Variants in SGSM3 observed in about 807,000 individuals in gnomAD.
The protein encoded by SGSM3 is small G protein signaling modulator 3.
Under a neutral mutation model 100.5 loss-of-function variants are expected in SGSM3, and 96 were observed. The ratio of observed to expected loss-of-function variants is 0.96; its 90% CI spans 0.81 to 1.13. The LOEUF is 1.13. Ranked by LOEUF, SGSM3 falls within the 50% of genes most tolerant of loss-of-function variation. The pLI is 0.00. For missense variants in SGSM3, 1,001 were observed against 1,015.8 expected, an observed-to-expected ratio of 0.99 and a Z score of 0.20; for synonymous variants, 483 against 422.8, an observed-to-expected ratio of 1.14 and a Z score of -1.75.
chr22:40,386,431 T>C (rs1333157190), intron 1 of SGSM3, among the ~76,000 whole-genome samples: 1 of 152,126 alleles, frequency 6.6e-6, no homozygotes, highest in Non-Finnish European at 1.5e-5. Context: ...CTGAATGTAA[T>C]CCAATGGGCC....
intron 1 of SGSM3, chr22:40,376,544 C>T (rs568963567): frequency 1.3e-5 from 2 of 152,252 alleles, no homozygotes; most frequent in African/African-American, 2.4e-5. Context: ...TAGTGCTACT[C>T]ATAGTAATAG....
At chr22:40,385,412 C>G (rs566721419) in intron 1 of SGSM3, among the ~76,000 whole-genome samples, 1 of 151,946 alleles carries the variant, frequency 6.6e-6, no homozygotes, top group South Asian at 2.1e-4. Context: ...GCAGTGGACA[C>G]GAAGCCATTG....
intron 1 of SGSM3, among the ~76,000 whole-genome samples, chr22:40,386,562 C>CTTT (rs60319316): frequency 0.12 from 8,357 of 68,282 alleles, 1,072 homozygotes; most frequent in Admixed American, 0.24. Flanking sequence ...AATTTTCTTA[C>CTTT]TTTTTTTTTT....
chr22:40,405,583 AG>A, intron 7 of SGSM3, 65 bp from the exon 8 acceptor site: 1 of 1,449,910 alleles, frequency 6.9e-7, no homozygotes, highest in Admixed American at 1.9e-5. Context: ...TCCCTAGGGT[AG>A]GGGCACCTTT....
intron 20 of SGSM3, 26 bp from the exon 21 acceptor site, chr22:40,409,439 C>T (rs1437556582): frequency 6.4e-7 from 1 of 1,564,530 alleles, no homozygotes. Flanking sequence ...GTGACAAGAG[C>T]CTTACCACCC....
intron 1 of SGSM3, among the ~76,000 whole-genome samples, chr22:40,392,640 A>G (rs988005811): frequency 6.6e-6 from 1 of 152,188 alleles, no homozygotes; most frequent in African/African-American, 2.4e-5. Context: ...TTCTTACTCT[A>G]ATGTTCTAAT....
chr22:40,400,433 A>T (rs1457680208), intron 1 of SGSM3, among the ~76,000 whole-genome samples: 6 of 152,118 alleles, frequency 3.9e-5, no homozygotes, highest in Admixed American at 3.9e-4. Flanking sequence ...TCACGAGGTC[A>T]GGAGTTCGAG....
Position 40,410,080 on chromosome 22 carries a change from A to AT in SGSM3, c.*322dup. The AT allele has an allele frequency of 8.1e-7, 1 of 1,232,670 alleles. No homozygotes were observed. The highest frequency in any genetic ancestry group is 1.0e-6 in the Non-Finnish European group (1 of 987,800). The allele number at this position is 1,232,670 out of a possible 1,614,324, so 76.4% of individuals were successfully genotyped here. Reference sequence around the variant, plus strand: ...AGTAGGCTCCTGGCCTCTTTGGTTTATAAATAAACTGTGTCTGTCTTTGAG... The same window carrying AT: ...AGTAGGCTCCTGGCCTCTTTGGTTTATTAAATAAACTGTGTCTGTCTTTGAG... On this transcript the variant is annotated 3_prime_UTR_variant, in exon 22 of 22. Coordinates refer to ENST00000248929, the MANE Select transcript of SGSM3 (RefSeq NM_015705.6).
At chr22:40,371,395 G>A (rs2045441112) in intron 1 of SGSM3, among the ~76,000 whole-genome samples, 2 of 152,216 alleles carry the variant, frequency 1.3e-5, no homozygotes, top group Admixed American at 1.3e-4. Context: ...GTGGTGGGTT[G>A]ATGGCTCTTT....
At chr22:40,375,659 A>G (rs986501884) in intron 1 of SGSM3, among the ~76,000 whole-genome samples, 3 of 142,572 alleles carry the variant, frequency 2.1e-5, no homozygotes, top group Non-Finnish European at 3.1e-5. Context: ...TCCAATTAAG[A>G]CAGAGAATTT....
chr22:40,407,873 G>C lies in SGSM3; in HGVS notation c.1579+30G>C, dbSNP rs1469929031. The C allele has an allele frequency of 3.8e-6, 6 of 1,591,748 alleles. No individual in the cohort carries two copies. Among genetic ancestry groups the C allele is most frequent in the East Asian group, 4.5e-5 (2 of 44,664 alleles). ...GGTCCTTGGTCTGCTCTTGAGCTGGGAGAGGGAGGAGGGGGTGGGCACAGA... is the reference window on the plus strand; with the variant it reads ...GGTCCTTGGTCTGCTCTTGAGCTGGCAGAGGGAGGAGGGGGTGGGCACAGA... On this transcript the variant is annotated intron_variant, in intron 14 of 21. Coordinates refer to ENST00000248929, the MANE Select transcript of SGSM3 (RefSeq NM_015705.6). This position sits in a 1 kb window ranked among gnomAD's most constrained non-coding sequence, Gnocchi z 4.7.
intron 1 of SGSM3, among the ~76,000 whole-genome samples, chr22:40,377,845 CAAAA>C (rs35941683): frequency 4.9e-5 from 3 of 61,572 alleles, no homozygotes; most frequent in South Asian, 5.5e-4. Flanking sequence ...GACCCTGTCT[CAAAA>C]AAAAAAAAAA....
rs773462009 is a variant in SGSM3 at position 40,408,375 on chromosome 22, G to A, written c.1728G>A (p.Leu576=). The change falls in exon 16 of 22, where the codon CTG becomes CTA. Residue 576 remains leucine, a synonymous_variant. Transcript: ENST00000248929. ...TTAAGGCCCTGTTCGAACATGGACT[G>A]AAGAAGCCATCCCTGCTTGGGGGCG... ...PALKALFEHG[L]KKPSLLGGAC... The A allele has an allele frequency of 7.4e-6, 12 of 1,613,584 alleles. No individual in the cohort carries two copies. In the East Asian group the frequency reaches 1.3e-4, roughly 18 times the overall value.
chr22:40,383,384 G>A (rs781516717), intron 1 of SGSM3, among the ~76,000 whole-genome samples: 3 of 151,452 alleles, frequency 2.0e-5, no homozygotes, highest in East Asian at 1.9e-4. Flanking sequence ...GGAGAATGGC[G>A]TGAACCTGGG....
chr22:40,407,668 T>G lies in SGSM3; in HGVS notation c.1524+100T>G, dbSNP rs570319975. On this transcript the variant is annotated intron_variant, in intron 13 of 21. Coordinates refer to ENST00000248929, the MANE Select transcript of SGSM3 (RefSeq NM_015705.6). The surrounding 1 kb of genome is among the most constrained non-coding windows in gnomAD (Gnocchi z 4.7). ...CCAACCCCTTTCCCTGCCAAGAGCT[T>G]CTCTTGTGAAGATGTAGGGGTCTTG... The G allele has an allele frequency of 5.6e-4, 893 of 1,582,108 alleles. 1 individual carries two copies. Among genetic ancestry groups the G allele is most frequent in the South Asian group, 1.4e-3 (130 of 89,786 alleles).
rs146511747 is a variant in SGSM3, at chr22:40,408,662, C to T, written c.1818C>T (p.Ser606=). 249 of 1,614,034 alleles carry T rather than the reference C, an allele frequency of 1.5e-4. No homozygotes were observed. The African/African-American group carries it at 2.1e-3, about 13-fold the overall frequency. ...GGGAGGTCGAGAGAGACTTTGCCTC[C>T]GTGTATTCCCGTCTGGTGCTCTGTA... is the stretch of plus-strand genomic sequence containing the variant. ...AGREVERDFA[S]VYSRLVLCKT... Residue 606 remains serine (S), a synonymous_variant, in exon 17 of 22, where the codon TCC becomes TCT. Coordinates refer to ENST00000248929, the MANE Select transcript of SGSM3 (RefSeq NM_015705.6).
At chr22:40,409,404 GTGGGGTGGGAAGGGCTAGC>G in intron 20 of SGSM3, 32 bp downstream of exon 20, 1 of 1,578,278 alleles carries the variant, frequency 6.3e-7, no homozygotes, top group Non-Finnish European at 8.6e-7. Flanking sequence ...GGGGATGGAG[GTGGGGTGGGAAGGGCTAGC>G]TGGGGGTGAC....
Position 40,408,712 on chromosome 22 carries a change from G to A in SGSM3, c.1853+15G>A. ...AAGACCTTCAGGTAACTCGGCCCGG[G>A]TTCTTCTGGTGGGGTCACCAGCAGT... On this transcript the variant is annotated intron_variant, in intron 17 of 21. Coordinates refer to ENST00000248929, the MANE Select transcript of SGSM3 (RefSeq NM_015705.6). 5.0e-6 allele frequency: 8 copies of A among 1,614,012 alleles called. No homozygotes were observed. Among genetic ancestry groups the A allele is most frequent in the Non-Finnish European group, 6.8e-6 (8 of 1,180,030 alleles).
intron 1 of SGSM3, 123 bp from the exon 2 acceptor site, chr22:40,400,573 G>T (rs761049878): frequency 2.5e-6 from 1 of 399,624 alleles, no homozygotes; most frequent in Non-Finnish European, 4.6e-6. Context: ...AACCCAGGAG[G>T]CAGAGGTTGC....
Sources: allele counts gnomAD v4.1 joint callset (sites outside exome capture counted in the v4.1 genomes callset), GRCh38; gene constraint gnomAD v4.1.1; non-coding constraint Gnocchi (gnomAD v3.1); transcripts MANE v1.5; gene names NCBI Gene and HGNC (gene_info 2026-07-23, HGNC 2026-07-21).